The following CACNA2D3 variants were observed in gnomAD, a reference collection of about 807,000 sequenced individuals.
CACNA2D3 encodes calcium voltage-gated channel auxiliary subunit alpha2delta 3, also known as voltage-dependent calcium channel subunit alpha-2/delta-3.
In CACNA2D3, 60 loss-of-function variants were observed where a neutral mutation model predicts 160.6. The observed-to-expected ratio is 0.37, with a 90% confidence interval of 0.30 to 0.46. The LOEUF (loss-of-function observed/expected upper bound fraction) is 0.46, where lower values mean the gene tolerates loss of function less well. CACNA2D3 is among the 20% of genes least tolerant of loss of function. The probability of loss-of-function intolerance (pLI) is 1.00; values close to 1 mark genes in which losing one functional copy is unlikely to be tolerated. For missense variants in CACNA2D3, 1,205 were observed against 1,365.0 expected (o/e 0.88, Z 1.85); for synonymous variants, 558 against 492.9 (o/e 1.13, Z -1.75).
At chr3:54,661,914 C>A (rs1699981143) in intron 11 of CACNA2D3, among the ~76,000 whole-genome samples, 1 of 150,214 alleles carries the variant, frequency 6.7e-6, no homozygotes, top group African/African-American at 2.5e-5. Flanking sequence ...TCCACATCTT[C>A]AGTGAAATAT....
intron 34 of CACNA2D3, among the ~76,000 whole-genome samples, chr3:55,015,785 A>C (rs569403324): frequency 2.0e-5 from 3 of 152,320 alleles, no homozygotes; most frequent in African/African-American, 7.2e-5. Flanking sequence ...TGAGAGAAAG[A>C]AGTGAAAAAG....
Position 54,997,164 on chromosome 3 carries a change from A to G in CACNA2D3, c.2691-7599A>G, listed in dbSNP as rs114019413. Reference sequence around the variant, plus strand: ...TCTGCACATGTATCCCAGAACTTAAAGTATAACAAAACAAAAAATAAAATA... The same window carrying G: ...TCTGCACATGTATCCCAGAACTTAAGGTATAACAAAACAAAAAATAAAATA... On this transcript the variant is annotated intron_variant, in intron 31 of 37. Coordinates refer to ENST00000474759, the MANE Select transcript of CACNA2D3 (RefSeq NM_018398.3). Among the ~76,000 whole-genome samples, 643 of 152,330 alleles carry G rather than the reference A, an allele frequency of 4.2e-3. 4 individuals are homozygous for G. The highest frequency in any genetic ancestry group is 0.015 in the African/African-American group (608 of 41,580).
chr3:55,006,352 C>T (rs928597686), intron 32 of CACNA2D3, among the ~76,000 whole-genome samples: 3 of 152,176 alleles, frequency 2.0e-5, no homozygotes, highest in Admixed American at 2.0e-4. Flanking sequence ...CCTCTTTCCC[C>T]CGCAACCTCC....
rs1479929096 is a variant in CACNA2D3, at chr3:54,869,698, G to A, written c.1627-1841G>A. On this transcript the variant is annotated intron_variant, in intron 17 of 37. Coordinates refer to ENST00000474759, the MANE Select transcript of CACNA2D3 (RefSeq NM_018398.3). ...ACGACTGTCTGACTCTAAGTCCTCA[G>A]GGGGACACTACTATCCCTGCCCCGC... 5.3e-5 allele frequency among the ~76,000 whole-genome samples: 8 copies of A among 152,132 alleles called. No individual in the cohort carries two copies. In the East Asian group the frequency reaches 1.5e-3, roughly 29 times the overall value.
intron 27 of CACNA2D3, among the ~76,000 whole-genome samples, chr3:54,915,485 C>A (rs1378036607): frequency 6.6e-6 from 1 of 152,182 alleles, no homozygotes; most frequent in Non-Finnish European, 1.5e-5. Flanking sequence ...GACAGAAGGA[C>A]ATTTTTATAA....
intron 2 of CACNA2D3, among the ~76,000 whole-genome samples, chr3:54,199,807 A>G (rs1701146454): frequency 6.6e-6 from 1 of 152,238 alleles, no homozygotes; most frequent in Non-Finnish European, 1.5e-5. Flanking sequence ...TCCATGTATG[A>G]TATTAACACT....
chr3:55,053,560 A>G (rs1215677861), intron 35 of CACNA2D3, among the ~76,000 whole-genome samples: 3 of 151,976 alleles, frequency 2.0e-5, no homozygotes, highest in Non-Finnish European at 4.4e-5. Context: ...TATGCTGTTT[A>G]AGTAGTATTA....
chr3:54,804,469 G>A (rs1449344858), intron 13 of CACNA2D3, among the ~76,000 whole-genome samples: 2 of 152,124 alleles, frequency 1.3e-5, no homozygotes, highest in Admixed American at 6.5e-5. Flanking sequence ...CATACATAAT[G>A]GTAAAGGGAT....
intron 2 of CACNA2D3, among the ~76,000 whole-genome samples, chr3:54,300,926 C>T (rs1703461653): frequency 6.6e-6 from 1 of 151,862 alleles, no homozygotes; most frequent in Non-Finnish European, 1.5e-5. Context: ...GAGGTTGAGA[C>T]CAGATGATCA....
chr3:55,057,442 A>G (rs1704392355), intron 35 of CACNA2D3, among the ~76,000 whole-genome samples: 1 of 152,182 alleles, frequency 6.6e-6, no homozygotes, highest in African/African-American at 2.4e-5. Flanking sequence ...TCCCACCAAA[A>G]AAGAGGGTTA....
intron 12 of CACNA2D3, among the ~76,000 whole-genome samples, chr3:54,758,143 G>C (rs937294373): frequency 2.6e-4 from 39 of 152,232 alleles, no homozygotes; most frequent in African/African-American, 8.9e-4. Flanking sequence ...TCAGAGTTGG[G>C]GACATTAAGG....
In CACNA2D3 at chr3:54,662,881, G is replaced by C. The variant is rs548442904; in HGVS notation, c.1167+20640G>C. On this transcript the variant is annotated intron_variant, in intron 11 of 37. Coordinates refer to ENST00000474759, the MANE Select transcript of CACNA2D3 (RefSeq NM_018398.3). ...AAGCTGAGTTTGATGACCAACTTAG[G>C]CTTGTACTATGTGATCTCAAACAAG... Among the ~76,000 whole-genome samples, 314 of 152,312 alleles carry C rather than the reference G, an allele frequency of 2.1e-3. 1 individual carries two copies. The highest frequency in any genetic ancestry group is 3.6e-3 in the Non-Finnish European group (243 of 68,020).
intron 29 of CACNA2D3, among the ~76,000 whole-genome samples, chr3:54,979,027 A>G (rs77974065): frequency 0.027 from 4,048 of 152,302 alleles, 183 homozygotes; most frequent in African/African-American, 0.092. Context: ...AGGCTTTTAA[A>G]TTTGTCTTTG....
At chr3:54,776,297 T>G (rs2107120979) in intron 13 of CACNA2D3, among the ~76,000 whole-genome samples, 1 of 152,240 alleles carries the variant, frequency 6.6e-6, no homozygotes, top group East Asian at 1.9e-4. Flanking sequence ...GAGAATTGCT[T>G]GAGCCTAGGA....
intron 21 of CACNA2D3, among the ~76,000 whole-genome samples, chr3:54,882,611 A>G (rs1228263368): frequency 6.6e-6 from 1 of 152,186 alleles, no homozygotes; most frequent in African/African-American, 2.4e-5. Context: ...ATGAGGTCAT[A>G]TCTTCCTCTC....
chr3:54,146,602 G>C (rs960958771), intron 2 of CACNA2D3, among the ~76,000 whole-genome samples: 1 of 152,256 alleles, frequency 6.6e-6, no homozygotes, highest in Non-Finnish European at 1.5e-5. Context: ...GAAGGGGGGC[G>C]TGGCCTAGTG....
intron 11 of CACNA2D3, among the ~76,000 whole-genome samples, chr3:54,721,070 TTTA>T (rs1701160493): frequency 9.4e-6 from 1 of 106,568 alleles, no homozygotes; most frequent in African/African-American, 3.0e-5. Flanking sequence ...TAAACATTAT[TTTA>T]TTATTTACTT....
intron 5 of CACNA2D3, among the ~76,000 whole-genome samples, chr3:54,540,019 G>A (rs537171374): frequency 7.2e-5 from 11 of 152,254 alleles, no homozygotes; most frequent in South Asian, 4.1e-4. Context: ...ATTTGCAGCC[G>A]TCTTGGAAGA....
chr3:54,813,984 G>C (rs1398063145), intron 13 of CACNA2D3, among the ~76,000 whole-genome samples: 1 of 150,470 alleles, frequency 6.6e-6, no homozygotes, highest in Non-Finnish European at 1.5e-5. Context: ...CCCCACCTCA[G>C]CCTCCCGAGT....
Sources: gnomAD v4.1 joint callset for allele counts (sites outside exome capture counted in the v4.1 genomes callset) on GRCh38, gnomAD v4.1.1 for gene constraint, MANE v1.5 for transcripts, NCBI Gene and HGNC (gene_info 2026-07-23, HGNC 2026-07-21) for gene names.